Variants in TMEM123 observed in about 807,000 individuals in gnomAD.
TMEM123 encodes the protein transmembrane protein 123, also known as porimin.
Under a neutral mutation model 19.7 loss-of-function variants are expected in TMEM123, and 16 were observed. The ratio of observed to expected loss-of-function variants is 0.81; its 90% confidence interval spans 0.55 to 1.23. TMEM123 has a LOEUF of 1.23. Among genes scored for constraint, TMEM123 ranks in the 50% most tolerant of loss-of-function variants. TMEM123 has a pLI of 0.00. For missense variants in TMEM123, 313 were observed against 257.8 expected (o/e 1.21, Z -1.47); for synonymous variants, 118 against 99.4 (o/e 1.19, Z -1.12).
chr11:102,399,999 ATC>A (rs1951896815), intron 4 of TMEM123, among the ~76,000 whole-genome samples: 1 of 152,100 alleles, frequency 6.6e-6, no homozygotes, highest in Non-Finnish European at 1.5e-5. Context: ...TTCTTAAATT[ATC>A]ATTTTTGTTT....
At chr11:102,423,996 A>C (rs1236962854) in intron 2 of TMEM123, among the ~76,000 whole-genome samples, 1 of 152,230 alleles carries the variant, frequency 6.6e-6, no homozygotes, top group East Asian at 1.9e-4. Flanking sequence ...CTGTAAAAGA[A>C]AAGAACAAAA....
intron 2 of TMEM123, among the ~76,000 whole-genome samples, chr11:102,430,754 T>C (rs1173527272): frequency 6.6e-6 from 1 of 152,222 alleles, no homozygotes; most frequent in African/African-American, 2.4e-5. Flanking sequence ...GGCTATACTC[T>C]CTTAGCCGCA....
chr11:102,401,012 G>T (rs749907496), intron 4 of TMEM123, among the ~76,000 whole-genome samples: 1 of 152,182 alleles, frequency 6.6e-6, no homozygotes, highest in Non-Finnish European at 1.5e-5. Flanking sequence ...AGGTCTTGTT[G>T]ATAATGCACA....
chr11:102,401,982 T>A lies in TMEM123; in HGVS notation c.382A>T (p.Ile128Leu), dbSNP rs773210477. Residue 128 changes from isoleucine (I) to leucine (L), a missense_variant, in exon 3 of 5, where the codon ATA (isoleucine) becomes TTA (leucine). Ile to Leu is a conservative substitution (Grantham distance 5). Transcript: ENST00000398136. ...TTSVSQNTSQ[I>L]STSTMTVTHN... ...GTTACGGTCATTGTGGATGTTGATA[T>A]CTGAGATGTGTTCTGTGAAACACTT... is the stretch of plus-strand genomic sequence containing the variant. 1 of 1,614,076 alleles carries A rather than the reference T, an allele frequency of 6.2e-7. No homozygotes were observed. The highest frequency in any genetic ancestry group is 8.5e-7 in the Non-Finnish European group (1 of 1,180,050).
chr11:102,430,797 T>C (rs1857690989), intron 2 of TMEM123, among the ~76,000 whole-genome samples: 1 of 152,212 alleles, frequency 6.6e-6, no homozygotes, highest in Non-Finnish European at 1.5e-5. Flanking sequence ...TCAGCTCTAT[T>C]TCATAGCAGG....
chr11:102,442,021 T>C (rs1857831943), intron 2 of TMEM123, among the ~76,000 whole-genome samples: 1 of 152,296 alleles, frequency 6.6e-6, no homozygotes, highest in South Asian at 2.1e-4. Context: ...AATCCCTCAC[T>C]AGACCAATAT....
At position 102,410,511 on chromosome 11, in the gene TMEM123, C is replaced by CAAAAAAA. The variant is rs796159138; in HGVS notation, c.158-8312_158-8306dup. Among the ~76,000 whole-genome samples the CAAAAAAA allele has an allele frequency of 6.0e-4, 63 of 105,410 alleles. 1 individual carries two copies. The highest frequency in any genetic ancestry group is 1.1e-3 in the East Asian group (4 of 3,738). The allele number at this position is 105,410 out of a possible 152,430, so 69.2% of individuals were successfully genotyped here. ...AATCCACAATAACCCCTGTTAGTTA[C>CAAAAAAA]AAAAAAAAAAAAAAAGCATGAATCA... is the stretch of plus-strand genomic sequence containing the variant. On this transcript the variant is annotated intron_variant, in intron 2 of 4. Transcript: ENST00000398136.
intron 2 of TMEM123, among the ~76,000 whole-genome samples, chr11:102,407,984 A>C (rs1330223363): frequency 1.3e-5 from 2 of 152,212 alleles, no homozygotes; most frequent in Non-Finnish European, 2.9e-5. Context: ...GATTCTATTG[A>C]GCTGGTTCCT....
At chr11:102,417,865 A>G (rs746268537) in intron 2 of TMEM123, among the ~76,000 whole-genome samples, 4 of 152,078 alleles carry the variant, frequency 2.6e-5, no homozygotes, top group Non-Finnish European at 4.4e-5. Context: ...GATCTTTGAT[A>G]AAGTTTAAAA....
At chr11:102,451,449 T>G (rs548538924) in intron 1 of TMEM123, among the ~76,000 whole-genome samples, 1 of 152,226 alleles carries the variant, frequency 6.6e-6, no homozygotes, top group Non-Finnish European at 1.5e-5. Flanking sequence ...AAATTGTTAA[T>G]TCACCCAGGT....
chr11:102,404,010 ATCAATTACCTAGTC>A (rs1458402170), intron 2 of TMEM123, among the ~76,000 whole-genome samples: 1 of 152,174 alleles, frequency 6.6e-6, no homozygotes. Context: ...CATTTTCTTT[ATCAATTACCTAGTC>A]TCAGGTATTC....
Position 102,429,223 on chromosome 11 carries a change from CCAA to C in TMEM123, c.157+19586_157+19588del, listed in dbSNP as rs1333911528. ...TTTGTGAATGTTGGACAGCAGGTGT[CCAA>C]CAAGTCCTTGTTTATCTAAGTTAGT... is the stretch of plus-strand genomic sequence containing the variant. On this transcript the variant is annotated intron_variant, in intron 2 of 4. Transcript: ENST00000398136. 6.6e-5 allele frequency among the ~76,000 whole-genome samples: 10 copies of C among 152,170 alleles called. No homozygotes were observed. In the South Asian group the frequency reaches 2.1e-3, roughly 32 times the overall value.
chr11:102,404,352 C>T (rs539604236), intron 2 of TMEM123, among the ~76,000 whole-genome samples: 44 of 152,240 alleles, frequency 2.9e-4, no homozygotes, highest in Non-Finnish European at 4.7e-4. Context: ...GGCATGATCT[C>T]GGCTCAGGGC....
rs1951868542 is a variant in TMEM123, at chr11:102,397,618, A to G, written c.*1249T>C. ...TGGAGTAAGAGGAGGGATTTGAGGG[A>G]ATATCCAAATCAGGAAGGAGGAAAT... On this transcript the variant is annotated 3_prime_UTR_variant, in exon 5 of 5. Transcript: ENST00000398136. 1 of 152,188 alleles carries G rather than the reference A, an allele frequency of 6.6e-6. No homozygotes were observed. 9.4% of individuals were successfully genotyped at this position (152,188 alleles called of 1,614,324 possible).
At position 102,401,669 on chromosome 11, in the gene TMEM123, C is replaced by A; in HGVS notation, c.472G>T (p.Ala158Ser). ...VTITTTMHSE[A>S]KKGSKFDTGS... ...GTATCAAATTTTGATCCTTTCTTTGCTTCAGAATGCATAGTTGTTGTGACT... is the reference window on the plus strand; with the variant it reads ...GTATCAAATTTTGATCCTTTCTTTGATTCAGAATGCATAGTTGTTGTGACT... Residue 158 changes from alanine (A) to serine (S), a missense_variant, in exon 4 of 5, where the codon GCA (alanine) becomes TCA (serine). Transcript: ENST00000398136. 1 of 1,602,742 alleles carries A rather than the reference C, an allele frequency of 6.2e-7. No individual in the cohort carries two copies. The highest frequency in any genetic ancestry group is 8.5e-7 in the Non-Finnish European group (1 of 1,177,444).
intron 2 of TMEM123, among the ~76,000 whole-genome samples, chr11:102,441,261 G>A (rs111619302): frequency 4.6e-4 from 70 of 152,138 alleles, no homozygotes; most frequent in African/African-American, 5.3e-4. Flanking sequence ...GCACCACATC[G>A]CACTTATTGA....
chr11:102,452,424 A>C, intron 1 of TMEM123, 100 bp downstream of exon 1: 3 of 1,030,432 alleles, frequency 2.9e-6, no homozygotes, highest in Non-Finnish European at 2.6e-6. Context: ...TCGGCCAGAC[A>C]CACGCGGAAC....
At chr11:102,413,776 C>T (rs1212466139) in intron 2 of TMEM123, among the ~76,000 whole-genome samples, 1 of 152,202 alleles carries the variant, frequency 6.6e-6, no homozygotes, top group Non-Finnish European at 1.5e-5. Flanking sequence ...AGAACCAGCG[C>T]AAGAACTCTG....
intron 2 of TMEM123, among the ~76,000 whole-genome samples, chr11:102,433,003 TG>T (rs1422217383): frequency 6.6e-6 from 1 of 151,992 alleles, no homozygotes; most frequent in East Asian, 1.9e-4. Flanking sequence ...TGGAAATGCC[TG>T]GAAGTCCAGG....
Sources: allele counts gnomAD v4.1 joint callset (sites outside exome capture counted in the v4.1 genomes callset), GRCh38; gene constraint gnomAD v4.1.1; transcripts MANE v1.5; gene names NCBI Gene and HGNC (gene_info 2026-07-23, HGNC 2026-07-21).